RAB37: variants seen among roughly 807,000 people sequenced by gnomAD.
RAB37 encodes RAB37, member RAS oncogene family.
RAB37 carries 29 observed loss-of-function variants against 33.1 expected under a neutral mutation model. The observed-to-expected ratio is 0.88, with a 90% CI of 0.65 to 1.20. The LOEUF (loss-of-function observed/expected upper bound fraction) is 1.20. RAB37 is among the 50% of genes most tolerant of loss of function. The pLI, the probability that RAB37 is intolerant of heterozygous loss-of-function variation, is 0.00. For synonymous variants in RAB37, 128 were observed against 119.5 expected (o/e 1.07, Z -0.47); for missense variants, 299 against 301.1 (o/e 0.99, Z 0.05).
At chr17:74,728,462 GTGTC>G in intron 1 of RAB37, among the ~76,000 whole-genome samples, 1 of 151,548 alleles carries the variant, frequency 6.6e-6, no homozygotes, top group Non-Finnish European at 1.5e-5. Flanking sequence ...AAGTGTGTCT[GTGTC>G]TGTATACGTG....
chr17:74,704,522 G>T (rs764335923), intron 1 of RAB37: 1 of 1,614,080 alleles, frequency 6.2e-7, no homozygotes, highest in Admixed American at 1.7e-5. Context: ...GTCATTTCCA[G>T]TTTTCTCAAT....
intron 1 of RAB37, among the ~76,000 whole-genome samples, chr17:74,723,512 G>A (rs1263107302): frequency 6.6e-6 from 1 of 151,564 alleles, no homozygotes; most frequent in African/African-American, 2.4e-5. Context: ...AAAGAACAAA[G>A]ACGCTTGTCT....
Position 74,744,293 on chromosome 17 carries a change from C to T in RAB37, c.367-15C>T, listed in dbSNP as rs199501252. On this transcript the variant is annotated splice_polypyrimidine_tract_variant and intron_variant, in intron 5 of 8. Coordinates refer to ENST00000392613, the MANE Select transcript of RAB37 (RefSeq NM_001006638.3). This position sits in a 1 kb window ranked among gnomAD's most constrained non-coding sequence, Gnocchi z 4.2. The stretch of plus-strand genomic sequence containing the variant: ...GGAGGAAGAGAATGCCAGTCTCGCA[C>T]GCCCTCTCCCACAGGCCTGGCTCAC... The T allele has an allele frequency of 7.7e-5, 124 of 1,610,208 alleles. No individual in the cohort carries two copies. Among genetic ancestry groups the T allele is most frequent in the Middle Eastern group, 1.6e-4 (1 of 6,068 alleles).
Position 74,704,282 on chromosome 17 carries a change from G to T in RAB37, c.73-24974G>T, listed in dbSNP as rs918952790. ...CCTAGAAAGGCTTAATCCCGTCGTG[G>T]AGGGAGCCCTGGGAGCCATGGGGGC... On this transcript the variant is annotated intron_variant, in intron 1 of 7. Coordinates refer to the RAB37 transcript ENST00000340415. The T allele has an allele frequency of 3.2e-5, 19 of 591,312 alleles. No individual in the cohort carries two copies. The South Asian group carries it at 3.8e-4, about 12-fold the overall frequency. The allele number at this position is 591,312 out of a possible 1,614,324, so 36.6% of individuals were successfully genotyped here.
At chr17:74,701,275 T>A (rs975016390) in intron 1 of RAB37, among the ~76,000 whole-genome samples, 1 of 152,244 alleles carries the variant, frequency 6.6e-6, no homozygotes, top group Non-Finnish European at 1.5e-5. Context: ...AGCTCTAGAT[T>A]GTAAGTACCT....
intron 1 of RAB37, among the ~76,000 whole-genome samples, chr17:74,702,650 C>A (rs191675435): frequency 2.0e-5 from 3 of 152,208 alleles, no homozygotes; most frequent in South Asian, 2.1e-4. Context: ...CATGACCCCA[C>A]GCCCACACTC....
intron 1 of RAB37, chr17:74,694,332 C>T (rs1369963173): frequency 6.6e-6 from 1 of 152,174 alleles, no homozygotes; most frequent in African/African-American, 2.4e-5. Context: ...AAAAACAACA[C>T]AAATTTATTC....
chr17:74,695,227 A>C (rs2032317038), intron 1 of RAB37: 1 of 1,614,094 alleles, frequency 6.2e-7, no homozygotes. Context: ...GATGCATAGG[A>C]AATGTCCTCC....
At chr17:74,677,536 A>G (rs1359737010) in intron 1 of RAB37, 1 of 152,232 alleles carries the variant, frequency 6.6e-6, no homozygotes, top group Non-Finnish European at 1.5e-5. Flanking sequence ...CAATTCTCAA[A>G]GATTTCTATT....
At chr17:74,695,251 C>A in intron 1 of RAB37, 1 of 1,613,822 alleles carries the variant, frequency 6.2e-7, no homozygotes, top group Non-Finnish European at 8.5e-7. Flanking sequence ...GGCAAGGAAG[C>A]CTGCAGCAAA....
At chr17:74,698,238 G>A in intron 1 of RAB37, 1 of 700,546 alleles carries the variant, frequency 1.4e-6, no homozygotes, top group East Asian at 2.8e-5. Context: ...GGCACTGCCA[G>A]CTGCTGAGGG....
At chr17:74,692,638 A>G (rs2032182002) in intron 1 of RAB37, among the ~76,000 whole-genome samples, 2 of 151,898 alleles carry the variant, frequency 1.3e-5, no homozygotes, top group Middle Eastern at 3.4e-3. Flanking sequence ...GCCCCTCCCT[A>G]CAATCCCCCC....
At chr17:74,726,919 T>G (rs1222087362) in intron 1 of RAB37, among the ~76,000 whole-genome samples, 2 of 152,250 alleles carry the variant, frequency 1.3e-5, no homozygotes, top group East Asian at 3.8e-4. Flanking sequence ...ACTGTCCACT[T>G]TACACTAAGG....
At chr17:74,722,368 G>A (rs1320194660) in intron 1 of RAB37, among the ~76,000 whole-genome samples, 2 of 152,108 alleles carry the variant, frequency 1.3e-5, no homozygotes, top group African/African-American at 4.8e-5. Flanking sequence ...AAACTCTGTA[G>A]GGCCAGCCCA....
chr17:74,687,911 T>C (rs967733331), intron 1 of RAB37, among the ~76,000 whole-genome samples: 1 of 152,224 alleles, frequency 6.6e-6, no homozygotes, highest in African/African-American at 2.4e-5. Flanking sequence ...GATGTTGGCA[T>C]AAAGTTACCA....
intron 1 of RAB37, among the ~76,000 whole-genome samples, chr17:74,720,798 TGTCA>T (rs1237909703): frequency 6.6e-6 from 1 of 152,076 alleles, no homozygotes; most frequent in African/African-American, 2.4e-5. Flanking sequence ...CCCGGGTTCT[TGTCA>T]GGTGTCCAGG....
At position 74,730,360 on chromosome 17, in the gene RAB37, A is replaced by T. The variant is rs550234268; in HGVS notation, c.183+994A>T. ...CACTGATGGGAAGAGAGAGAGGAAA[A>T]CTCAGAAAAATGGGCTTGCCCACTG... On this transcript the variant is annotated intron_variant, in intron 2 of 7. Coordinates refer to the RAB37 transcript ENST00000340415. This position sits in a 1 kb window ranked among gnomAD's most constrained non-coding sequence, Gnocchi z 4.4. Among the ~76,000 whole-genome samples, 4 of 152,208 alleles carry T rather than the reference A, an allele frequency of 2.6e-5. No homozygotes were observed. Among genetic ancestry groups the T allele is most frequent in the Admixed American group, 6.5e-5 (1 of 15,300 alleles).
chr17:74,678,682 GACACACACAC>G (rs148139871), intron 1 of RAB37, among the ~76,000 whole-genome samples: 1 of 147,826 alleles, frequency 6.8e-6, no homozygotes, highest in African/African-American at 2.5e-5. Context: ...CAGACACACA[GACACACACAC>G]ACACACACAC....
chr17:74,697,526 C>G (rs1166647960), intron 1 of RAB37, among the ~76,000 whole-genome samples: 1 of 152,174 alleles, frequency 6.6e-6, no homozygotes, highest in Non-Finnish European at 1.5e-5. Context: ...AGTCAGGCTC[C>G]CCTCTTCCCA....
Sources: gnomAD v4.1 joint callset for allele counts (sites outside exome capture counted in the v4.1 genomes callset) on GRCh38, gnomAD v4.1.1 for gene constraint, Gnocchi (gnomAD v3.1) non-coding constraint, MANE v1.5 for transcripts, NCBI Gene and HGNC (gene_info 2026-07-23, HGNC 2026-07-21) for gene names.